TRPC6: variants seen among roughly 807,000 people sequenced by gnomAD.
The protein encoded by TRPC6 is transient receptor potential cation channel subfamily C member 6.
A neutral mutation model predicts 90.7 loss-of-function variants in TRPC6; 55 were observed. The observed-to-expected ratio is 0.61, with a 90% CI of 0.49 to 0.76. The LOEUF (loss-of-function observed/expected upper bound fraction) is 0.76. Ranked by LOEUF, TRPC6 falls within the 30% of genes least tolerant of loss-of-function variation. The pLI is 0.00. For synonymous variants in TRPC6, 393 were observed against 393.0 expected (o/e 1.00, Z 0.00); for missense variants, 989 against 1,122.7 (o/e 0.88, Z 1.70).
In TRPC6 at chr11:101,479,106, C is replaced by G. The variant is rs534978505; in HGVS notation, c.1511-2572G>C. On this transcript the variant is annotated intron_variant, in intron 5 of 12. Transcript: ENST00000344327. Reference sequence around the variant, plus strand: ...CCTCCAGGGTAAGCTTCCCCAGCCCCCTCAAGTGCTGTTCTGAGAACCACT... The same window carrying G: ...CCTCCAGGGTAAGCTTCCCCAGCCCGCTCAAGTGCTGTTCTGAGAACCACT... Among the ~76,000 whole-genome samples the G allele has an allele frequency of 2.0e-5, 3 of 152,280 alleles. 1 individual carries two copies. The highest frequency in any genetic ancestry group is 2.1e-4 in the South Asian group (1 of 4,822).
At chr11:101,535,171 AAAGAAAGGAAGGAAGGAAGGAAGGAAGG>A (rs1861009262) in intron 1 of TRPC6, among the ~76,000 whole-genome samples, 1 of 127,106 alleles carries the variant, frequency 7.9e-6, no homozygotes, top group Non-Finnish European at 1.7e-5. Context: ...GTCAGAAAGA[AAAGAAAGGAAGGAAGGAAGGAAGGAAGG>A]AAGGAAGGAA....
At chr11:101,459,216 C>T (rs960944994) in intron 10 of TRPC6, among the ~76,000 whole-genome samples, 23 of 152,108 alleles carry the variant, frequency 1.5e-4, no homozygotes, top group African/African-American at 5.6e-4. Flanking sequence ...GAGATGTACC[C>T]AGGATTATAC....
At chr11:101,479,190 G>C (rs982338993) in intron 5 of TRPC6, among the ~76,000 whole-genome samples, 1 of 152,184 alleles carries the variant, frequency 6.6e-6, no homozygotes, top group East Asian at 1.9e-4. Context: ...TTGGCTGCAC[G>C]TGGCACCCAG....
intron 1 of TRPC6, among the ~76,000 whole-genome samples, chr11:101,562,370 G>C (rs1363299918): frequency 2.0e-5 from 3 of 152,050 alleles, no homozygotes; most frequent in Admixed American, 6.6e-5. Context: ...CTGTGAATTT[G>C]GACAGTCCTC....
chr11:101,455,079 C>G lies in TRPC6; in HGVS notation c.2507G>C (p.Ser836Thr). ...KKQVGHNKQP[S>T]IRSSEDFHLN... ...ATGGAAATCTTCTGAGCTCCTTATA[C>G]TTGGTTGTTTATTGTGCCCAACCTG... The change falls in exon 11 of 13, where the codon AGT becomes ACT. Residue 836 changes from serine to threonine, a missense_variant. Ser to Thr is a moderately conservative substitution (Grantham distance 58). This residue lies in a region of TRPC6 where 191 missense variants were observed against 196.7 expected (regional missense o/e 0.97). Transcript: ENST00000344327. 3.7e-6 allele frequency: 6 copies of G among 1,612,432 alleles called. No individual in the cohort carries two copies. The highest frequency in any genetic ancestry group is 5.1e-6 in the Non-Finnish European group (6 of 1,178,976).
rs1859274105 is a variant in TRPC6 at position 101,470,814 on chromosome 11, CCCCCT to C, written c.2409+364_2409+368del. ...AGTTAATCAAGTTGCCCCGCCCCCC[CCCCCT>C]CCCCGAGTCATAACAAGCTGCTGCC... On this transcript the variant is annotated intron_variant, in intron 9 of 12. Transcript: ENST00000344327. 5.8e-4 allele frequency among the ~76,000 whole-genome samples: 35 copies of C among 60,612 alleles called. 1 individual carries two copies. Among genetic ancestry groups the C allele is most frequent in the Non-Finnish European group, 7.0e-4 (26 of 37,144 alleles). 39.8% of individuals were successfully genotyped at this position (60,612 alleles called of 152,430 possible).
At chr11:101,491,445 A>G (rs1248656616) in intron 3 of TRPC6, 111 bp downstream of exon 3, 20 of 1,419,590 alleles carry the variant, frequency 1.4e-5, no homozygotes, top group South Asian at 2.5e-5. Context: ...AAAAAAAAAA[A>G]AGAGAAAAGA....
intron 1 of TRPC6, among the ~76,000 whole-genome samples, chr11:101,539,769 A>G (rs1861130176): frequency 6.6e-6 from 1 of 152,242 alleles, no homozygotes; most frequent in African/African-American, 2.4e-5. Context: ...GTCTTTATAA[A>G]TAAATTTAGT....
intron 1 of TRPC6, among the ~76,000 whole-genome samples, chr11:101,531,641 A>T (rs1565231996): frequency 6.6e-6 from 1 of 152,196 alleles, no homozygotes; most frequent in African/African-American, 2.4e-5. Context: ...AGCAGGCACA[A>T]TTTGAGGCGT....
At chr11:101,543,623 A>C (rs537816138) in intron 1 of TRPC6, among the ~76,000 whole-genome samples, 2 of 152,222 alleles carry the variant, frequency 1.3e-5, no homozygotes, top group Non-Finnish European at 2.9e-5. Flanking sequence ...GACAAAAACA[A>C]GAAATGGGGA....
intron 1 of TRPC6, among the ~76,000 whole-genome samples, chr11:101,507,247 T>C (rs557941044): frequency 3.3e-5 from 5 of 152,120 alleles, no homozygotes; most frequent in Non-Finnish European, 7.3e-5. Context: ...CTCAGTGCTC[T>C]ATATACATAT....
intron 7 of TRPC6, among the ~76,000 whole-genome samples, chr11:101,473,103 G>T (rs1055339126): frequency 6.6e-6 from 1 of 151,422 alleles, no homozygotes; most frequent in African/African-American, 2.5e-5. Flanking sequence ...GCATCCCCAG[G>T]AGTGAGTCCC....
chr11:101,567,951 T>A (rs1184719506), intron 1 of TRPC6, among the ~76,000 whole-genome samples: 2 of 152,136 alleles, frequency 1.3e-5, no homozygotes, highest in Non-Finnish European at 2.9e-5. Flanking sequence ...AAAACCAGAA[T>A]GCCTCTTCTC....
chr11:101,483,597 G>C (rs1364621031), intron 4 of TRPC6, among the ~76,000 whole-genome samples: 1 of 152,088 alleles, frequency 6.6e-6, no homozygotes, highest in Non-Finnish European at 1.5e-5. Context: ...ATACTTCATT[G>C]ACAGGCATGC....
chr11:101,486,767 A>C (rs1859687270), intron 4 of TRPC6, among the ~76,000 whole-genome samples: 1 of 152,184 alleles, frequency 6.6e-6, no homozygotes, highest in South Asian at 2.1e-4. Context: ...GAAAATCCAA[A>C]ATATTTTAAA....
At chr11:101,531,097 T>TAC (rs796723038) in intron 1 of TRPC6, among the ~76,000 whole-genome samples, 1 of 152,166 alleles carries the variant, frequency 6.6e-6, no homozygotes, top group Non-Finnish European at 1.5e-5. Flanking sequence ...TACACACACA[T>TAC]ACACACACAC....
intron 4 of TRPC6, among the ~76,000 whole-genome samples, chr11:101,484,625 G>A (rs989954265): frequency 1.5e-5 from 2 of 136,036 alleles, no homozygotes; most frequent in African/African-American, 6.0e-5. Flanking sequence ...GTGTGTGTGT[G>A]TGTGTGTGTG....
intron 1 of TRPC6, among the ~76,000 whole-genome samples, chr11:101,569,475 C>G (rs1255688107): frequency 6.6e-6 from 1 of 152,122 alleles, no homozygotes; most frequent in Non-Finnish European, 1.5e-5. Context: ...AAAAAATTAA[C>G]AAGGATATCC....
Position 101,471,345 on chromosome 11 carries a change from G to C in TRPC6, c.2247C>G (p.Leu749=). The C allele has an allele frequency of 6.2e-7, 1 of 1,613,900 alleles. No individual in the cohort carries two copies. The highest frequency in any genetic ancestry group is 8.5e-7 in the Non-Finnish European group (1 of 1,179,868). Residue 749 remains leucine, a synonymous_variant, in exon 9 of 13, where the codon CTC becomes CTG. Transcript: ENST00000344327. ...TGCCCTCCTCAAAGTAGGAAAACCA[G>C]AGTTTGGCCCTTGCAAATTTCCACT... ...DVEWKFARAK[L]WFSYFEEGRT...
Sources: allele counts gnomAD v4.1 joint callset (sites outside exome capture counted in the v4.1 genomes callset), GRCh38; gene constraint gnomAD v4.1.1; regional missense constraint gnomAD v4.1.1; transcripts MANE v1.5; gene names NCBI Gene and HGNC (gene_info 2026-07-23, HGNC 2026-07-21).